TEAD3: variants seen among roughly 807,000 people sequenced by gnomAD.
The protein encoded by TEAD3 is TEA domain transcription factor 3.
A neutral mutation model predicts 55.6 loss-of-function variants in TEAD3; 15 were observed. The observed-to-expected ratio is 0.27, with a 90% CI of 0.18 to 0.42. TEAD3 has a LOEUF of 0.42. Ranked by LOEUF, TEAD3 falls within the 10% of genes least tolerant of loss-of-function variation. The probability of loss-of-function intolerance (pLI) is 1.00; values close to 1 mark genes in which losing one functional copy is unlikely to be tolerated. For synonymous variants in TEAD3, 210 were observed against 232.2 expected, an observed-to-expected ratio of 0.90 and a Z score of 0.87; for missense variants, 407 against 576.8, an observed-to-expected ratio of 0.71 and a Z score of 3.01.
At chr6:35,493,105 G>A (rs1246554386) in intron 1 of TEAD3, among the ~76,000 whole-genome samples, 4 of 152,020 alleles carry the variant, frequency 2.6e-5, no homozygotes, top group Non-Finnish European at 4.4e-5. Context: ...CCTTCCTCTC[G>A]CTCGCATACA....
intron 1 of TEAD3, among the ~76,000 whole-genome samples, chr6:35,490,218 G>A (rs1768480303): frequency 6.6e-6 from 1 of 152,120 alleles, no homozygotes; most frequent in South Asian, 2.1e-4. Flanking sequence ...TGTCAGCCCC[G>A]CCCCGCCCCC....
rs1441878716 is a variant in TEAD3 at position 35,486,303 on chromosome 6, T to TGAGGAGGAGCGCG, written c.202+145_202+157dup. On this transcript the variant is annotated intron_variant, in intron 2 of 12. Transcript: ENST00000639578. The surrounding 1 kb of genome is among the most constrained non-coding windows in gnomAD (Gnocchi z 7.3). ...TTAGGGGGCGAGCCCGGCTTGTTTA[T>TGAGGAGGAGCGCG]GAGGAGGAGCGCGGAGGAGGATCCA... 1.2e-4 allele frequency among the ~76,000 whole-genome samples: 18 copies of TGAGGAGGAGCGCG among 152,224 alleles called. No homozygotes were observed. Among genetic ancestry groups the TGAGGAGGAGCGCG allele is most frequent in the African/African-American group, 4.1e-4 (17 of 41,456 alleles).
In TEAD3 at chr6:35,488,269, G is replaced by A. The variant is rs912259479; in HGVS notation, c.-49-1558C>T. ...CAGCCCGTAAACCACCAACACGCCC[G>A]CCCCCGCCCTGGCCCATCCTACATG... is the stretch of plus-strand genomic sequence containing the variant. On this transcript the variant is annotated intron_variant, in intron 1 of 12. Transcript: ENST00000639578. The surrounding 1 kb of genome is among the most constrained non-coding windows in gnomAD (Gnocchi z 4.2). 2.0e-5 allele frequency among the ~76,000 whole-genome samples: 3 copies of A among 151,922 alleles called. No homozygotes were observed. Among genetic ancestry groups the A allele is most frequent in the South Asian group, 2.1e-4 (1 of 4,810 alleles).
In TEAD3 at chr6:35,484,506, G is replaced by T; in HGVS notation, c.267+54C>A. ...AGGGTAGGGGCAAGGGGTTGACCGG[G>T]GCAGCTGAGACAGAGTGTGTGGGTG... On this transcript the variant is annotated intron_variant, in intron 3 of 12. Transcript: ENST00000639578. The surrounding 1 kb of genome is among the most constrained non-coding windows in gnomAD (Gnocchi z 5.8). The T allele has an allele frequency of 1.9e-6, 3 of 1,541,778 alleles. No homozygotes were observed. Among genetic ancestry groups the T allele is most frequent in the Non-Finnish European group, 2.6e-6 (3 of 1,133,286 alleles).
chr6:35,476,098 G>C lies in TEAD3; in HGVS notation c.727-6C>G, dbSNP rs1222402151. ...ACAAACAGGTGTTTGCTGTACTGTG[G>C]GGAGGGCCCAGACAGGGTCAGGAGA... On this transcript the variant is annotated splice_polypyrimidine_tract_variant and splice_region_variant and intron_variant, in intron 9 of 12. Coordinates refer to ENST00000639578, the Ensembl canonical transcript of TEAD3. The C allele has an allele frequency of 6.5e-7, 1 of 1,537,164 alleles. No homozygotes were observed. The highest frequency in any genetic ancestry group is 2.0e-5 in the Admixed American group (1 of 49,662).
intron 8 of TEAD3, among the ~76,000 whole-genome samples, chr6:35,476,662 A>C (rs116125267): frequency 1.3e-5 from 2 of 152,248 alleles, no homozygotes; most frequent in Admixed American, 1.3e-4. Flanking sequence ...AAACACAGAG[A>C]AGTAAAAAAG....
chr6:35,475,832 G>A lies in TEAD3; in HGVS notation c.900+87C>T. 2.0e-6 allele frequency: 3 copies of A among 1,499,972 alleles called. No homozygotes were observed. Among genetic ancestry groups the A allele is most frequent in the Non-Finnish European group, 2.7e-6 (3 of 1,123,108 alleles). 92.9% of individuals were successfully genotyped at this position (1,499,972 alleles called of 1,614,324 possible). Reference sequence around the variant, plus strand: ...GCCCACAAGCCATGAGGATGCAGCAGGGTCAGAGGTCAATGCAGTGGGCCT... The same window carrying A: ...GCCCACAAGCCATGAGGATGCAGCAAGGTCAGAGGTCAATGCAGTGGGCCT... On this transcript the variant is annotated intron_variant, in intron 10 of 12. Transcript: ENST00000639578. The surrounding 1 kb of genome is among the most constrained non-coding windows in gnomAD (Gnocchi z 5.4).
intron 8 of TEAD3, among the ~76,000 whole-genome samples, 173 bp from the exon 9 acceptor site, chr6:35,476,608 C>T (rs1358960008): frequency 6.6e-6 from 1 of 152,144 alleles, no homozygotes; most frequent in Non-Finnish European, 1.5e-5. Flanking sequence ...CGTGGTGGCC[C>T]TAGTAGTATA....
intron 1 of TEAD3, among the ~76,000 whole-genome samples, chr6:35,492,080 C>T (rs969801796): frequency 2.0e-5 from 3 of 152,220 alleles, no homozygotes; most frequent in Non-Finnish European, 4.4e-5. Flanking sequence ...GCTGGGAGGA[C>T]GAGCTGAGCT....
chr6:35,478,869 C>A (rs1768208237), intron 5 of TEAD3, among the ~76,000 whole-genome samples: 1 of 147,402 alleles, frequency 6.8e-6, no homozygotes, highest in Non-Finnish European at 1.5e-5. Context: ...CATGTACTCT[C>A]CTATTTTCTT....
chr6:35,475,738 G>A lies in TEAD3; in HGVS notation c.901-32C>T, dbSNP rs769001267. On this transcript the variant is annotated intron_variant, in intron 10 of 12. Transcript: ENST00000639578. The surrounding 1 kb of genome is among the most constrained non-coding windows in gnomAD (Gnocchi z 5.4). ...ATGGGGGTGGGGGGTGTTAGGTGCT[G>A]GCAGAGACCAGAAGTATTCCCGCCA... The A allele has an allele frequency of 3.2e-6, 5 of 1,543,328 alleles. No homozygotes were observed. Among genetic ancestry groups the A allele is most frequent in the Admixed American group, 2.0e-5 (1 of 50,998 alleles).
Position 35,484,471 on chromosome 6 carries a change from G to A in TEAD3, c.267+89C>T. 7.6e-7 allele frequency: 1 copy of A among 1,317,046 alleles called. No individual in the cohort carries two copies. Among genetic ancestry groups the A allele is most frequent in the African/African-American group, 1.5e-5 (1 of 68,190 alleles). 81.6% of individuals were successfully genotyped at this position (1,317,046 alleles called of 1,614,324 possible). A position where few individuals can be genotyped will look rare whatever the true frequency, so the allele number is the denominator to read the frequency against. ...CAGTCCAGGTCAGGGGCAGCCTCGAGGAGGTGGGCAGGGTAGGGGCAAGGG... is the reference window on the plus strand; with the variant it reads ...CAGTCCAGGTCAGGGGCAGCCTCGAAGAGGTGGGCAGGGTAGGGGCAAGGG... On this transcript the variant is annotated intron_variant, in intron 3 of 12. Transcript: ENST00000639578. The surrounding 1 kb of genome is among the most constrained non-coding windows in gnomAD (Gnocchi z 5.8).
chr6:35,475,547 A>G lies in TEAD3; in HGVS notation c.1041+19T>C. 6.2e-7 allele frequency: 1 copy of G among 1,605,612 alleles called. No individual in the cohort carries two copies. ...TGCCTGCTCCCAGCCCCACCAAGCC[A>G]CCCAGAGCCCCCACTCACCTCCACC... is the stretch of plus-strand genomic sequence containing the variant. On this transcript the variant is annotated intron_variant, in intron 11 of 12. Coordinates refer to ENST00000639578, the Ensembl canonical transcript of TEAD3. The surrounding 1 kb of genome is among the most constrained non-coding windows in gnomAD (Gnocchi z 5.4).
In TEAD3 at chr6:35,491,565, C is replaced by T. The variant is rs1179184319; in HGVS notation, c.-49-4854G>A. ...CCATCTCAGGGGCTCCTACCCTCCA[C>T]CTCCTCTCAGAACCCCTCCCATCTG... On this transcript the variant is annotated intron_variant, in intron 1 of 12. Coordinates refer to ENST00000639578, the Ensembl canonical transcript of TEAD3. The surrounding 1 kb of genome is among the most constrained non-coding windows in gnomAD (Gnocchi z 4.4). Among the ~76,000 whole-genome samples the T allele has an allele frequency of 6.6e-6, 1 of 152,166 alleles. No homozygotes were observed. The highest frequency in any genetic ancestry group is 1.5e-5 in the Non-Finnish European group (1 of 68,014).
chr6:35,475,000 A>G (rs1273668882), exon 13 of TEAD3: 1 of 1,443,644 alleles, frequency 6.9e-7, no homozygotes. Flanking sequence ...AGGTGTGGAG[A>G]GGAGATGCTC....
At position 35,486,389 on chromosome 6, in the gene TEAD3, CA is replaced by C; in HGVS notation, c.202+71del. 6.5e-7 allele frequency: 1 copy of C among 1,528,242 alleles called. No homozygotes were observed. Among genetic ancestry groups the C allele is most frequent in the Non-Finnish European group, 8.8e-7 (1 of 1,134,136 alleles). 94.7% of individuals were successfully genotyped at this position (1,528,242 alleles called of 1,614,324 possible). A position where few individuals can be genotyped will look rare whatever the true frequency, so the allele number is the denominator to read the frequency against. On this transcript the variant is annotated intron_variant, in intron 2 of 12. Coordinates refer to ENST00000639578, the Ensembl canonical transcript of TEAD3. The surrounding 1 kb of genome is among the most constrained non-coding windows in gnomAD (Gnocchi z 7.3). Reference sequence around the variant, plus strand: ...AGCGGCTGGCGGCCTCCGACGTCACCAAACCGGTTGGGTGAGAGGGCAGAGA... The same window carrying C: ...AGCGGCTGGCGGCCTCCGACGTCACCAACCGGTTGGGTGAGAGGGCAGAGA...
At position 35,496,202 on chromosome 6, in the gene TEAD3, G is replaced by A. The variant is rs187061185; in HGVS notation, c.-50+696C>T. Reference sequence around the variant, plus strand: ...TAAACAAGGGCCCTGAGCAAGTGTGGGGAAGAAAAGGCCCCAAATCCAGAC... The same window carrying A: ...TAAACAAGGGCCCTGAGCAAGTGTGAGGAAGAAAAGGCCCCAAATCCAGAC... On this transcript the variant is annotated intron_variant, in intron 1 of 12. Coordinates refer to ENST00000639578, the Ensembl canonical transcript of TEAD3. This position sits in a 1 kb window ranked among gnomAD's most constrained non-coding sequence, Gnocchi z 4.8. Among the ~76,000 whole-genome samples, 4 of 152,308 alleles carry A rather than the reference G, an allele frequency of 2.6e-5. No individual in the cohort carries two copies. The highest frequency in any genetic ancestry group is 2.9e-5 in the Non-Finnish European group (2 of 68,016).
intron 3 of TEAD3, among the ~76,000 whole-genome samples, chr6:35,482,412 AG>A (rs1391115644): frequency 6.6e-6 from 1 of 152,150 alleles, no homozygotes; most frequent in Non-Finnish European, 1.5e-5. Flanking sequence ...GAGTAAAGAC[AG>A]GGGGAGTTTC....
chr6:35,488,269 G>GC lies in TEAD3; in HGVS notation c.-49-1559dup, dbSNP rs1009182424. Among the ~76,000 whole-genome samples, 1 of 151,922 alleles carries GC rather than the reference G, an allele frequency of 6.6e-6. No homozygotes were observed. The highest frequency in any genetic ancestry group is 2.4e-5 in the African/African-American group (1 of 41,350). ...CAGCCCGTAAACCACCAACACGCCC[G>GC]CCCCCGCCCTGGCCCATCCTACATG... On this transcript the variant is annotated intron_variant, in intron 1 of 12. Transcript: ENST00000639578. This position sits in a 1 kb window ranked among gnomAD's most constrained non-coding sequence, Gnocchi z 4.2.
Sources: allele counts gnomAD v4.1 joint callset (sites outside exome capture counted in the v4.1 genomes callset), GRCh38; gene constraint gnomAD v4.1.1; non-coding constraint Gnocchi (gnomAD v3.1); transcripts MANE v1.5; gene names NCBI Gene and HGNC (gene_info 2026-07-23, HGNC 2026-07-21).